SYN3: variants seen among roughly 807,000 people sequenced by gnomAD.
The protein encoded by SYN3 is synapsin-3.
In SYN3, 35 loss-of-function variants were observed where a neutral mutation model predicts 65.8. The ratio of observed to expected loss-of-function variants is 0.53; its 90% CI spans 0.41 to 0.70. The LOEUF (loss-of-function observed/expected upper bound fraction) is 0.70. Ranked by LOEUF, SYN3 falls within the 30% of genes least tolerant of loss-of-function variation. The pLI, the probability that SYN3 is intolerant of heterozygous loss-of-function variation, is 0.00. For missense variants in SYN3, 680 were observed against 749.0 expected (o/e 0.91, Z 1.08); for synonymous variants, 270 against 292.9 (o/e 0.92, Z 0.80).
rs183317653 is a variant in SYN3, at chr22:32,831,852, C to A, written c.711+33063G>T. 3.1e-3 allele frequency among the ~76,000 whole-genome samples: 465 copies of A among 152,236 alleles called. 2 individuals carry two copies. The highest frequency in any genetic ancestry group is 4.1e-3 in the Non-Finnish European group (276 of 68,018). On this transcript the variant is annotated intron_variant, in intron 6 of 13. Coordinates refer to ENST00000358763, the MANE Select transcript of SYN3 (RefSeq NM_003490.4). ...GGAAAATAGGATGTCACTGCACCCC[C>A]CCCAACCTCCACCAAAAAAAGACAG...
chr22:32,763,943 CCTT>C (rs779000988), intron 6 of SYN3, among the ~76,000 whole-genome samples: 44 of 112,696 alleles, frequency 3.9e-4, no homozygotes, highest in African/African-American at 1.6e-3. Flanking sequence ...GCCCCCCCCC[CCTT>C]TTTTTTTTTG....
intron 6 of SYN3, among the ~76,000 whole-genome samples, chr22:32,788,950 T>A (rs2046257452): frequency 6.6e-6 from 1 of 152,044 alleles, no homozygotes; most frequent in Non-Finnish European, 1.5e-5. Flanking sequence ...ACTTCCTTCC[T>A]CCTCCTTGCC....
Position 32,652,216 on chromosome 22 carries a change from TG to T in SYN3, c.712-55481del, listed in dbSNP as rs143906930. ...TCCTCCCCGCTAGTCCCCACCAAAA[TG>T]CACACACTCAATTTAGAACAGCCGG... On this transcript the variant is annotated intron_variant, in intron 6 of 13. Transcript: ENST00000358763. Among the ~76,000 whole-genome samples, 314 of 152,174 alleles carry T rather than the reference TG, an allele frequency of 2.1e-3. 5 individuals carry two copies. The East Asian group carries it at 0.037, about 18-fold the overall frequency.
At chr22:32,929,715 C>T (rs2050574908) in intron 4 of SYN3, among the ~76,000 whole-genome samples, 2 of 152,152 alleles carry the variant, frequency 1.3e-5, no homozygotes, top group South Asian at 4.1e-4. Flanking sequence ...AGCTGTAGTC[C>T]TTTGGGGAAT....
intron 4 of SYN3, among the ~76,000 whole-genome samples, chr22:32,892,286 A>T (rs946552151): frequency 6.6e-6 from 1 of 151,742 alleles, no homozygotes; most frequent in Non-Finnish European, 1.5e-5. Context: ...ACAGAGTGAG[A>T]CTCCATCTCA....
chr22:32,513,938 G>A, intron 13 of SYN3, 114 bp from the exon 14 acceptor site: 1 of 1,352,026 alleles, frequency 7.4e-7, no homozygotes, highest in South Asian at 1.4e-5. Flanking sequence ...ATAAGGTTAT[G>A]AAGACCAGAA....
At chr22:32,968,854 C>A (rs1049343817) in intron 3 of SYN3, among the ~76,000 whole-genome samples, 1 of 97,596 alleles carries the variant, frequency 1.0e-5, no homozygotes. Context: ...GATAAAGAAC[C>A]CTTTGAGTGT....
intron 5 of SYN3, 99 bp downstream of exon 5, chr22:32,868,867 A>G: frequency 9.0e-7 from 1 of 1,106,678 alleles, no homozygotes; most frequent in Non-Finnish European, 1.2e-6. Flanking sequence ...AAGAATTTTT[A>G]CTACTGAGGC....
chr22:32,722,231 C>G (rs987195562), intron 6 of SYN3, among the ~76,000 whole-genome samples: 1 of 152,094 alleles, frequency 6.6e-6, no homozygotes, highest in Non-Finnish European at 1.5e-5. Context: ...CAGGGGACAA[C>G]GTACCCACAG....
chr22:32,916,403 T>A (rs2050186893), intron 4 of SYN3, among the ~76,000 whole-genome samples: 4 of 152,204 alleles, frequency 2.6e-5, no homozygotes. Flanking sequence ...AGGATACAGA[T>A]CCAGAAAGGA....
intron 6 of SYN3, among the ~76,000 whole-genome samples, chr22:32,782,013 T>A (rs1245612763): frequency 6.6e-6 from 1 of 152,006 alleles, no homozygotes; most frequent in East Asian, 1.9e-4. Flanking sequence ...CCTTCAGAAC[T>A]TTTTTTCTGA....
At chr22:32,515,559 T>G (rs1680152872) in intron 13 of SYN3, among the ~76,000 whole-genome samples, 1 of 152,202 alleles carries the variant, frequency 6.6e-6, no homozygotes, top group African/African-American at 2.4e-5. Context: ...CATTTGCTAG[T>G]GTCTGTCAAA....
chr22:32,613,118 C>T (rs935048027), intron 6 of SYN3, among the ~76,000 whole-genome samples: 2 of 152,152 alleles, frequency 1.3e-5, no homozygotes, highest in Admixed American at 6.5e-5. Context: ...TGTAAGTTTC[C>T]TGAGGCCTCC....
rs557299468 is a variant in SYN3, at chr22:33,055,815, A to G, written c.-163+2477T>C. Among the ~76,000 whole-genome samples, 12 of 152,306 alleles carry G rather than the reference A, an allele frequency of 7.9e-5. No homozygotes were observed. In the East Asian group the frequency reaches 2.3e-3, roughly 29 times the overall value. ...CTCAACACTTGCTTTTGATGAATCC[A>G]AGCATTTAATGTCTATCTCCTCTAA... On this transcript the variant is annotated intron_variant, in intron 1 of 13. Coordinates refer to ENST00000358763, the MANE Select transcript of SYN3 (RefSeq NM_003490.4).
At chr22:32,618,876 C>T (rs2059557073) in intron 6 of SYN3, among the ~76,000 whole-genome samples, 1 of 152,152 alleles carries the variant, frequency 6.6e-6, no homozygotes, top group Non-Finnish European at 1.5e-5. Context: ...GACCTTGGGC[C>T]CCCTTCTGTA....
chr22:32,568,704 A>G (rs2058705171), intron 7 of SYN3, among the ~76,000 whole-genome samples: 1 of 152,144 alleles, frequency 6.6e-6, no homozygotes, highest in Non-Finnish European at 1.5e-5. Context: ...TCCTAATTCC[A>G]TCACCTTGGG....
At chr22:32,820,380 T>G (rs1044948016) in intron 6 of SYN3, among the ~76,000 whole-genome samples, 2 of 135,994 alleles carry the variant, frequency 1.5e-5, no homozygotes, top group Non-Finnish European at 3.2e-5. Context: ...GTGTGTGTGG[T>G]GTGTTCTACT....
At chr22:32,569,565 C>CTATATATA (rs1190028295) in intron 7 of SYN3, among the ~76,000 whole-genome samples, 9 of 56,378 alleles carry the variant, frequency 1.6e-4, no homozygotes, top group Admixed American at 4.6e-4. Flanking sequence ...CTCTCTCTCT[C>CTATATATA]TCTCTCTATA....
chr22:32,878,304 A>G (rs921774822), intron 4 of SYN3, among the ~76,000 whole-genome samples: 6 of 152,136 alleles, frequency 3.9e-5, no homozygotes, highest in African/African-American at 1.2e-4. Context: ...TCTCCCTGAC[A>G]TTCCTTAAGT....
Sources: allele counts gnomAD v4.1 joint callset (sites outside exome capture counted in the v4.1 genomes callset), GRCh38; gene constraint gnomAD v4.1.1; transcripts MANE v1.5; gene names NCBI Gene and HGNC (gene_info 2026-07-23, HGNC 2026-07-21).